The following ARFGEF1 variants were observed in gnomAD, a reference collection of about 807,000 sequenced individuals.
The protein encoded by ARFGEF1 is ARF guanine nucleotide exchange factor 1, also known as brefeldin A-inhibited guanine nucleotide-exchange protein 1.
Under a neutral mutation model 231.0 loss-of-function variants are expected in ARFGEF1, and 42 were observed. The ratio of observed to expected loss-of-function variants is 0.18; its 90% CI spans 0.14 to 0.24. The LOEUF (loss-of-function observed/expected upper bound fraction) is 0.24. Among genes scored for constraint, ARFGEF1 ranks in the 10% least tolerant of loss-of-function variants. ARFGEF1 has a pLI of 1.00. For missense variants in ARFGEF1, 1,345 were observed against 2,192.0 expected, an observed-to-expected ratio of 0.61 and a Z score of 7.72; for synonymous variants, 710 against 732.3, an observed-to-expected ratio of 0.97 and a Z score of 0.49.
intron 36 of ARFGEF1, 199 bp from the exon 37 acceptor site, chr8:67,201,804 A>T (rs1410681776): frequency 1.6e-6 from 1 of 628,750 alleles, no homozygotes. Flanking sequence ...TATGAGATAT[A>T]AAAAAACTTG....
intron 6 of ARFGEF1, among the ~76,000 whole-genome samples, chr8:67,289,549 CAAAAAAAAA>C (rs552601455): frequency 0.045 from 2,012 of 44,864 alleles, 49 homozygotes; most frequent in South Asian, 0.14. Flanking sequence ...ACTCTGTATC[CAAAAAAAAA>C]AAAAAAAAAA....
downstream of ARFGEF1, chr8:67,193,602 G>A: frequency 6.2e-7 from 1 of 1,612,230 alleles, no homozygotes; most frequent in Non-Finnish European, 8.5e-7. Flanking sequence ...TATTAATACA[G>A]GTAAATGACC....
At chr8:67,223,266 G>C (rs1839262801) in intron 29 of ARFGEF1, among the ~76,000 whole-genome samples, 1 of 152,182 alleles carries the variant, frequency 6.6e-6, no homozygotes, top group African/African-American at 2.4e-5. Context: ...CTGGAGTACA[G>C]TGGTGTGATC....
intron 1 of ARFGEF1, among the ~76,000 whole-genome samples, chr8:67,316,533 T>C (rs2128924767): frequency 6.6e-6 from 1 of 151,954 alleles, no homozygotes; most frequent in East Asian, 1.9e-4. Context: ...CAATCACAGC[T>C]CACTGCAGCC....
In ARFGEF1 at chr8:67,211,488, G is replaced by C. The variant is rs1327415815; in HGVS notation, c.4814C>G (p.Thr1605Arg). ...VNEEVSKIKS[T>R]AKFPEQKLFA... is the part of the protein sequence containing the mutation. Reference sequence around the variant, plus strand: ...TATTTAGAGAAATAACTCACTTGCTGTAGATTTAATTTTGCTGACTTCTTC... The same window carrying C: ...TATTTAGAGAAATAACTCACTTGCTCTAGATTTAATTTTGCTGACTTCTTC... The change falls in exon 34 of 39, where the codon ACA becomes AGA. Residue 1605 changes from threonine (T) to arginine (R), a missense_variant. Transcript: ENST00000262215. 1.3e-6 allele frequency: 2 copies of C among 1,570,668 alleles called. No individual in the cohort carries two copies. The highest frequency in any genetic ancestry group is 1.7e-6 in the Non-Finnish European group (2 of 1,162,806).
chr8:67,204,269 CAGTT>C (rs1185049115), intron 35 of ARFGEF1, among the ~76,000 whole-genome samples: 8 of 152,174 alleles, frequency 5.3e-5, no homozygotes, highest in Admixed American at 3.3e-4. Context: ...GTCGTCCAAA[CAGTT>C]AGAGGGCAAT....
chr8:67,267,725 GATA>G (rs1252085260), intron 10 of ARFGEF1, among the ~76,000 whole-genome samples: 1 of 152,142 alleles, frequency 6.6e-6, no homozygotes. Context: ...TCCTCTAGGT[GATA>G]ATTTCTTTAA....
At chr8:67,254,989 T>C (rs780335627) in intron 17 of ARFGEF1, among the ~76,000 whole-genome samples, 1 of 151,986 alleles carries the variant, frequency 6.6e-6, no homozygotes, top group Non-Finnish European at 1.5e-5. Flanking sequence ...AATAAAAGAC[T>C]ACACACTGCT....
At chr8:67,320,593 T>G (rs1215311227) in intron 1 of ARFGEF1, among the ~76,000 whole-genome samples, 1 of 152,192 alleles carries the variant, frequency 6.6e-6, no homozygotes, top group African/African-American at 2.4e-5. Context: ...CTGCCAAAAC[T>G]GGAAACAACT....
At chr8:67,315,298 C>G (rs1049575797) in intron 1 of ARFGEF1, among the ~76,000 whole-genome samples, 1 of 152,256 alleles carries the variant, frequency 6.6e-6, no homozygotes, top group South Asian at 2.1e-4. Flanking sequence ...ACAGACAAAT[C>G]TGCTATTTTA....
At chr8:67,229,400 C>A (rs919576184) in intron 23 of ARFGEF1, among the ~76,000 whole-genome samples, 4 of 152,058 alleles carry the variant, frequency 2.6e-5, no homozygotes, top group African/African-American at 9.6e-5. Flanking sequence ...GATTTTTTAA[C>A]CCTAGTGTCC....
rs758929316 is a variant in ARFGEF1, at chr8:67,198,889, A to G, written c.*45T>C. The G allele has an allele frequency of 4.4e-6, 7 of 1,593,106 alleles. No homozygotes were observed. The highest frequency in any genetic ancestry group is 3.5e-5 in the South Asian group (3 of 86,854). The stretch of plus-strand genomic sequence containing the variant: ...GAAACCTCAGCTCCAGCGTCCTTTT[A>G]AAGAGCAGAGGGATGTAAATGCCAA... On this transcript the variant is annotated 3_prime_UTR_variant, in exon 39 of 39. Transcript: ENST00000262215.
intron 5 of ARFGEF1, among the ~76,000 whole-genome samples, chr8:67,189,568 T>C (rs1467590211): frequency 1.3e-5 from 2 of 152,218 alleles, no homozygotes; most frequent in Non-Finnish European, 2.9e-5. Context: ...ATTTGGAAAA[T>C]CTGAATATCA....
chr8:67,201,699 G>A, intron 36 of ARFGEF1, 94 bp from the exon 37 acceptor site: 1 of 1,525,594 alleles, frequency 6.6e-7, no homozygotes, highest in Non-Finnish European at 8.9e-7. Flanking sequence ...TTTGTGCTCA[G>A]CCATCAGCAT....
chr8:67,283,834 T>C (rs191252009), intron 7 of ARFGEF1, among the ~76,000 whole-genome samples: 163 of 152,292 alleles, frequency 1.1e-3, no homozygotes, highest in African/African-American at 3.6e-3. Context: ...AATCTTTTAG[T>C]ACTACCAGCT....
At chr8:67,258,997 T>G (rs1483127365) in intron 15 of ARFGEF1, among the ~76,000 whole-genome samples, 1 of 152,132 alleles carries the variant, frequency 6.6e-6, no homozygotes, top group East Asian at 1.9e-4. Context: ...TCTACTCCCA[T>G]ATCTAGATTA....
In ARFGEF1 at chr8:67,295,954, C is replaced by A. The variant is rs551907642; in HGVS notation, c.639+477G>T. ...GACTTATGCATTTAAAAACAATTCTCTAGTTGCTGATCTCTTAACAATCAA... is the reference window on the plus strand; with the variant it reads ...GACTTATGCATTTAAAAACAATTCTATAGTTGCTGATCTCTTAACAATCAA... On this transcript the variant is annotated intron_variant, in intron 5 of 38. Transcript: ENST00000262215. Among the ~76,000 whole-genome samples, 6 of 152,290 alleles carry A rather than the reference C, an allele frequency of 3.9e-5. No individual in the cohort carries two copies. The South Asian group carries it at 1.2e-3, about 32-fold the overall frequency.
intron 34 of ARFGEF1, among the ~76,000 whole-genome samples, chr8:67,209,030 T>C (rs1304461017): frequency 2.0e-5 from 3 of 152,228 alleles, no homozygotes; most frequent in Non-Finnish European, 4.4e-5. Context: ...AATTGCTTGG[T>C]GGTTCCTCAA....
chr8:67,201,255 C>G (rs766662314), intron 37 of ARFGEF1, among the ~76,000 whole-genome samples: 38 of 152,122 alleles, frequency 2.5e-4, no homozygotes, highest in Non-Finnish European at 3.5e-4. Context: ...AACAGAAAAC[C>G]TCCTTTGTCC....
Sources: gnomAD v4.1 joint callset for allele counts (sites outside exome capture counted in the v4.1 genomes callset) on GRCh38, gnomAD v4.1.1 for gene constraint, MANE v1.5 for transcripts, NCBI Gene and HGNC (gene_info 2026-07-23, HGNC 2026-07-21) for gene names.